Variants in ST6GALNAC3 observed in about 807,000 individuals in gnomAD.
ST6GALNAC3 encodes the protein ST6 N-acetylgalactosaminide alpha-2,6-sialyltransferase 3, also known as alpha-N-acetylgalactosaminide alpha-2,6-sialyltransferase 3.
ST6GALNAC3 carries 25 observed loss-of-function variants against 32.7 expected under a neutral mutation model. The ratio of observed to expected loss-of-function variants is 0.76; its 90% confidence interval spans 0.56 to 1.07. ST6GALNAC3 has a LOEUF of 1.07. Among genes scored for constraint, ST6GALNAC3 ranks in the 50% least tolerant of loss-of-function variants. The pLI is 0.00. For missense variants in ST6GALNAC3, 355 were observed against 382.4 expected (o/e 0.93, Z 0.60); for synonymous variants, 129 against 133.1 (o/e 0.97, Z 0.21).
intron 1 of ST6GALNAC3, among the ~76,000 whole-genome samples, chr1:76,232,115 C>T (rs559275262): frequency 9.3e-4 from 141 of 152,274 alleles, no homozygotes; most frequent in Non-Finnish European, 1.6e-3. Context: ...CCTCACTCTG[C>T]GGCACACTGT....
intron 3 of ST6GALNAC3, among the ~76,000 whole-genome samples, chr1:76,579,597 CAT>C (rs1646862732): frequency 1.3e-5 from 2 of 151,976 alleles, no homozygotes; most frequent in Non-Finnish European, 2.9e-5. Context: ...CTTTTTAAAA[CAT>C]ATGGGTACTC....
chr1:76,353,906 G>T (rs73004223), intron 2 of ST6GALNAC3: 5,977 of 162,718 alleles, frequency 0.037, 134 homozygotes, highest in African/African-American at 0.061. Flanking sequence ...ACCCAAGCAG[G>T]TGGGTCTTTG....
intron 3 of ST6GALNAC3, among the ~76,000 whole-genome samples, chr1:76,561,004 T>C (rs921357476): frequency 2.0e-5 from 3 of 152,210 alleles, no homozygotes; most frequent in Non-Finnish European, 4.4e-5. Context: ...CACAACAGAA[T>C]ACTGTTTAGC....
At chr1:76,427,983 T>C (rs1655508911) in intron 3 of ST6GALNAC3, among the ~76,000 whole-genome samples, 1 of 152,102 alleles carries the variant, frequency 6.6e-6, no homozygotes, top group Non-Finnish European at 1.5e-5. Flanking sequence ...ACACAAAGAA[T>C]AGTGAGGAGA....
chr1:76,453,214 T>A (rs1260799389), intron 3 of ST6GALNAC3, among the ~76,000 whole-genome samples: 2 of 152,196 alleles, frequency 1.3e-5, no homozygotes, highest in African/African-American at 2.4e-5. Flanking sequence ...ATTTTATTTA[T>A]CTTTTCAAAT....
intron 3 of ST6GALNAC3, among the ~76,000 whole-genome samples, chr1:76,438,821 T>C (rs1393765134): frequency 1.3e-5 from 2 of 152,176 alleles, no homozygotes; most frequent in Non-Finnish European, 2.9e-5. Flanking sequence ...CCTTCTTTCC[T>C]CAGGGCTGTT....
chr1:76,096,294 C>T lies in ST6GALNAC3; in HGVS notation c.18+21410C>T, dbSNP rs1647129979. ...CTTCTGGCTGAAAATATTTAGTTTG[C>T]GAACCTGGCAAGCCTCTTAAGAAAA... is the stretch of plus-strand genomic sequence containing the variant. On this transcript the variant is annotated intron_variant, in intron 1 of 4. Coordinates refer to ENST00000328299, the MANE Select transcript of ST6GALNAC3 (RefSeq NM_152996.4). Among the ~76,000 whole-genome samples, 4 of 152,218 alleles carry T rather than the reference C, an allele frequency of 2.6e-5. No homozygotes were observed. The South Asian group carries it at 6.2e-4, about 24-fold the overall frequency.
chr1:76,223,280 G>A (rs986986333), intron 1 of ST6GALNAC3, among the ~76,000 whole-genome samples: 2 of 152,016 alleles, frequency 1.3e-5, no homozygotes, highest in South Asian at 2.1e-4. Context: ...CTAAGAAAGC[G>A]AACTAATGAA....
chr1:76,197,874 G>A (rs1654295292), intron 1 of ST6GALNAC3, among the ~76,000 whole-genome samples: 1 of 152,128 alleles, frequency 6.6e-6, no homozygotes. Flanking sequence ...TCTAGCCTTT[G>A]TCCTAAATAC....
At chr1:76,340,908 T>A (rs1647912560) in intron 2 of ST6GALNAC3, among the ~76,000 whole-genome samples, 2 of 152,054 alleles carry the variant, frequency 1.3e-5, no homozygotes, top group Non-Finnish European at 2.9e-5. Flanking sequence ...AGGTCACAGA[T>A]AATATGTGTA....
intron 1 of ST6GALNAC3, among the ~76,000 whole-genome samples, chr1:76,261,600 A>G (rs1397332779): frequency 3.3e-5 from 5 of 152,230 alleles, no homozygotes; most frequent in Admixed American, 3.3e-4. Flanking sequence ...TGAGAAAAAC[A>G]GTGCTGCTCT....
At chr1:76,448,583 G>T (rs1657154073) in intron 3 of ST6GALNAC3, among the ~76,000 whole-genome samples, 1 of 152,154 alleles carries the variant, frequency 6.6e-6, no homozygotes, top group African/African-American at 2.4e-5. Context: ...CCTGGTGGGA[G>T]GTAATTGAAT....
At chr1:76,194,666 C>T (rs530158064) in intron 1 of ST6GALNAC3, among the ~76,000 whole-genome samples, 1 of 152,192 alleles carries the variant, frequency 6.6e-6, no homozygotes, top group Non-Finnish European at 1.5e-5. Flanking sequence ...TACTCTGTTG[C>T]AATATGTTGT....
At chr1:76,201,191 T>C (rs918830564) in intron 1 of ST6GALNAC3, among the ~76,000 whole-genome samples, 1 of 152,176 alleles carries the variant, frequency 6.6e-6, no homozygotes, top group Non-Finnish European at 1.5e-5. Flanking sequence ...TTCCTGAGAC[T>C]GGGTAATTTA....
intron 3 of ST6GALNAC3, among the ~76,000 whole-genome samples, chr1:76,528,413 T>C (rs924764758): frequency 1.3e-5 from 2 of 152,128 alleles, no homozygotes; most frequent in Admixed American, 1.3e-4. Flanking sequence ...GATCCTGGAA[T>C]TGGAGCTCAT....
intron 3 of ST6GALNAC3, among the ~76,000 whole-genome samples, chr1:76,605,903 A>G (rs1283505695): frequency 6.8e-6 from 1 of 147,690 alleles, no homozygotes; most frequent in Non-Finnish European, 1.5e-5. Flanking sequence ...TGGGCAAAGG[A>G]CATGAACAGA....
At chr1:76,297,104 A>G (rs1660447560) in intron 1 of ST6GALNAC3, among the ~76,000 whole-genome samples, 1 of 152,058 alleles carries the variant, frequency 6.6e-6, no homozygotes, top group Admixed American at 6.6e-5. Flanking sequence ...AGCAAGCTTC[A>G]TAAATCTGTG....
chr1:76,105,235 C>T (rs1209010182), intron 1 of ST6GALNAC3, among the ~76,000 whole-genome samples: 3 of 152,078 alleles, frequency 2.0e-5, no homozygotes. Context: ...GAAATATTCA[C>T]AACCTATAAG....
chr1:76,549,066 A>G (rs1664465234), intron 3 of ST6GALNAC3, among the ~76,000 whole-genome samples: 1 of 152,230 alleles, frequency 6.6e-6, no homozygotes, highest in Admixed American at 6.5e-5. Context: ...TCTGGTTATC[A>G]AAATTTGATT....
Sources: allele counts gnomAD v4.1 joint callset (sites outside exome capture counted in the v4.1 genomes callset), GRCh38; gene constraint gnomAD v4.1.1; transcripts MANE v1.5; gene names NCBI Gene and HGNC (gene_info 2026-07-23, HGNC 2026-07-21).